ZC2HC1A: variants seen among roughly 807,000 people sequenced by gnomAD.
ZC2HC1A encodes zinc finger C2HC-type containing 1A.
A neutral mutation model predicts 40.7 loss-of-function variants in ZC2HC1A; 28 were observed. The ratio of observed to expected loss-of-function variants is 0.69; its 90% confidence interval spans 0.51 to 0.94. ZC2HC1A has a LOEUF of 0.94. ZC2HC1A is among the 40% of genes least tolerant of loss of function. The pLI is 0.00. For missense variants in ZC2HC1A, 389 were observed against 386.3 expected (o/e 1.01, Z -0.06); for synonymous variants, 129 against 129.2 (o/e 1.00, Z 0.01).
At chr8:78,711,931 C>T in intron 7 of ZC2HC1A, 1 of 1,097,524 alleles carries the variant, frequency 9.1e-7, no homozygotes, top group Non-Finnish European at 1.2e-6. Context: ...TTTAAAAAAA[C>T]TTTATATAAA....
intron 8 of ZC2HC1A, among the ~76,000 whole-genome samples, chr8:78,715,539 AG>A (rs1438943877): frequency 1.4e-4 from 21 of 152,326 alleles, no homozygotes; most frequent in Non-Finnish European, 2.8e-4. Context: ...CATGCCACTA[AG>A]AACGTATGTG....
At chr8:78,691,725 G>C (rs1309711229) in intron 5 of ZC2HC1A, among the ~76,000 whole-genome samples, 1 of 151,894 alleles carries the variant, frequency 6.6e-6, no homozygotes, top group Non-Finnish European at 1.5e-5. Context: ...TTTTTGAAAA[G>C]TGATTGCTCT....
intron 7 of ZC2HC1A, among the ~76,000 whole-genome samples, chr8:78,706,698 C>G (rs1437891501): frequency 1.3e-5 from 2 of 152,138 alleles, no homozygotes; most frequent in Non-Finnish European, 2.9e-5. Context: ...TATTTACTCA[C>G]CCCTTTTCCT....
chr8:78,715,144 A>T, intron 7 of ZC2HC1A, 77 bp from the exon 8 acceptor site: 1 of 1,239,618 alleles, frequency 8.1e-7, no homozygotes, highest in Non-Finnish European at 1.1e-6. Context: ...TATTCTTTCT[A>T]GTCATGTGAA....
Position 78,701,697 on chromosome 8 carries a change from G to A in ZC2HC1A, c.704+3184G>A, listed in dbSNP as rs569226944. ...ACCTAGTTTATTGAGAGTTTTTAAC[G>A]TGAAGGGATGTTGAATTTTATTGAA... On this transcript the variant is annotated intron_variant, in intron 7 of 8. Transcript: ENST00000263849. 5.3e-5 allele frequency among the ~76,000 whole-genome samples: 8 copies of A among 152,260 alleles called. No homozygotes were observed. The South Asian group carries it at 6.2e-4, about 12-fold the overall frequency.
At chr8:78,714,517 C>T (rs1414675360) in intron 7 of ZC2HC1A, among the ~76,000 whole-genome samples, 1 of 152,116 alleles carries the variant, frequency 6.6e-6, no homozygotes, top group African/African-American at 2.4e-5. Flanking sequence ...TGTCACAAAG[C>T]TGTCAGTAGC....
chr8:78,717,279 A>C (rs746388726), intron 8 of ZC2HC1A, 49 bp from the exon 9 acceptor site: 10 of 1,550,774 alleles, frequency 6.4e-6, no homozygotes, highest in Non-Finnish European at 7.8e-6. Context: ...TATGGGTTGA[A>C]AACTACTGAT....
intron 7 of ZC2HC1A, among the ~76,000 whole-genome samples, chr8:78,708,152 T>C (rs1810837528): frequency 6.6e-6 from 1 of 152,196 alleles, no homozygotes; most frequent in Admixed American, 6.6e-5. Context: ...TGAGTAAAGG[T>C]TGAATTAAGA....
chr8:78,712,268 A>G (rs1810975691), intron 7 of ZC2HC1A, among the ~76,000 whole-genome samples: 1 of 152,132 alleles, frequency 6.6e-6, no homozygotes. Flanking sequence ...AAACATTTTG[A>G]TTTTTAGTAA....
intron 3 of ZC2HC1A, among the ~76,000 whole-genome samples, chr8:78,683,662 G>C (rs1288022772): frequency 6.6e-6 from 1 of 152,078 alleles, no homozygotes; most frequent in Non-Finnish European, 1.5e-5. Context: ...TTTTCCCTTT[G>C]TCTTGGTGAT....
chr8:78,712,379 T>C (rs1487439681), intron 7 of ZC2HC1A, among the ~76,000 whole-genome samples: 2 of 152,156 alleles, frequency 1.3e-5, no homozygotes, highest in Non-Finnish European at 2.9e-5. Flanking sequence ...TTAATAATTA[T>C]TTTTATGAAG....
intron 8 of ZC2HC1A, among the ~76,000 whole-genome samples, chr8:78,715,713 G>C (rs752376670): frequency 6.6e-6 from 1 of 152,158 alleles, no homozygotes; most frequent in African/African-American, 2.4e-5. Context: ...GAAGCCTGCA[G>C]ATGTCATTGA....
intron 5 of ZC2HC1A, among the ~76,000 whole-genome samples, chr8:78,695,171 A>G (rs1810357170): frequency 6.6e-6 from 1 of 152,194 alleles, no homozygotes; most frequent in African/African-American, 2.4e-5. Flanking sequence ...TGTCTAAAGT[A>G]ATGGGAAATA....
intron 7 of ZC2HC1A, among the ~76,000 whole-genome samples, chr8:78,702,952 T>C (rs964384487): frequency 6.6e-6 from 1 of 152,110 alleles, no homozygotes; most frequent in Non-Finnish European, 1.5e-5. Flanking sequence ...GCTATAGTGC[T>C]GTGGCATGAT....
chr8:78,680,619 A>G (rs971188395), intron 3 of ZC2HC1A, among the ~76,000 whole-genome samples: 4 of 152,224 alleles, frequency 2.6e-5, no homozygotes, highest in African/African-American at 9.6e-5. Context: ...AGCAACTACA[A>G]ACTTCATTTT....
intron 7 of ZC2HC1A, among the ~76,000 whole-genome samples, chr8:78,708,672 C>CTTTTTTTTTTTTTTTTTTTTTTTTT (rs66697724): frequency 7.0e-6 from 1 of 142,574 alleles, no homozygotes. Context: ...AGATGATTAT[C>CTTTTTTTTTTTTTTTTTTTTTTTTT]TTTTTTTTTT....
chr8:78,675,572 A>G (rs1221269058), intron 1 of ZC2HC1A, among the ~76,000 whole-genome samples: 2 of 152,056 alleles, frequency 1.3e-5, no homozygotes, highest in African/African-American at 4.8e-5. Flanking sequence ...ATATCTTTAA[A>G]TCATGACTCC....
chr8:78,680,753 G>C (rs189148109), intron 3 of ZC2HC1A, among the ~76,000 whole-genome samples: 2 of 152,306 alleles, frequency 1.3e-5, no homozygotes, highest in East Asian at 3.9e-4. Flanking sequence ...TTGGGGGCCT[G>C]TGGCTGGATT....
At chr8:78,711,410 G>A (rs928336297) in intron 7 of ZC2HC1A, among the ~76,000 whole-genome samples, 1 of 151,886 alleles carries the variant, frequency 6.6e-6, no homozygotes, top group Non-Finnish European at 1.5e-5. Flanking sequence ...ATTATTATAT[G>A]TGATTTTTAG....
Sources: allele counts gnomAD v4.1 joint callset (sites outside exome capture counted in the v4.1 genomes callset), GRCh38; gene constraint gnomAD v4.1.1; transcripts MANE v1.5; gene names NCBI Gene and HGNC (gene_info 2026-07-23, HGNC 2026-07-21).